The following UTP18 variants were observed in gnomAD, a reference collection of about 807,000 sequenced individuals.
The protein encoded by UTP18 is UTP18 small subunit processome component.
Under a neutral mutation model 61.1 loss-of-function variants are expected in UTP18, and 36 were observed. That is an observed-to-expected ratio of 0.59 (90% CI 0.45 to 0.78). The LOEUF (loss-of-function observed/expected upper bound fraction) is 0.78. Among genes scored for constraint, UTP18 ranks in the 30% least tolerant of loss-of-function variants. UTP18 has a pLI of 0.00. For synonymous variants in UTP18, 282 were observed against 251.1 expected, an observed-to-expected ratio of 1.12 and a Z score of -1.16; for missense variants, 753 against 693.9, an observed-to-expected ratio of 1.09 and a Z score of -0.96.
At chr17:51,263,483 T>G (rs1356724107) in intron 2 of UTP18, 97 bp downstream of exon 2, 5 of 919,334 alleles carry the variant, frequency 5.4e-6, no homozygotes, top group Non-Finnish European at 4.9e-6. Flanking sequence ...TGTGATTATG[T>G]GAAGATTTGA....
At position 51,260,594 on chromosome 17, in the gene UTP18, G is replaced by C. The variant is rs78803387; in HGVS notation, c.10G>C (p.Glu4Gln). The C allele has an allele frequency of 1.9e-6, 3 of 1,612,426 alleles. No homozygotes were observed. The highest frequency in any genetic ancestry group is 4.5e-5 in the East Asian group (2 of 44,818). Reference protein sequence around the residue: MPPERRRRMKLDRR... With the variant: MPPQRRRRMKLDRR... ...CTCCTCAAACCTAACGATGCCGCCG[G>C]AGCGGAGGAGACGAATGAAACTGGA... The change falls in exon 1 of 14, where the codon GAG becomes CAG. Residue 4 changes from glutamate to glutamine, a missense_variant. Physicochemically the swap from Glu to Gln is conservative, Grantham distance 29 (BLOSUM62 2). Transcript: ENST00000225298.
chr17:51,277,297 A>G lies in UTP18; in HGVS notation c.1005A>G (p.Gln335=), dbSNP rs199953240. ...MLAGKLIPVH[Q]VRGLKEKIVR... ...CTGGAAAGTTAATTCCTGTGCATCA[A>G]GTGAGAGGTAAGATTTCTGTTGAAT... The change falls in exon 7 of 14, where the codon CAA becomes CAG. Residue 335 remains glutamine (Q), a synonymous_variant. Coordinates refer to ENST00000225298, the MANE Select transcript of UTP18 (RefSeq NM_016001.3). The G allele has an allele frequency of 6.2e-6, 10 of 1,613,820 alleles. No homozygotes were observed. The highest frequency in any genetic ancestry group is 8.5e-6 in the Non-Finnish European group (10 of 1,179,920).
intron 1 of UTP18, among the ~76,000 whole-genome samples, chr17:51,261,924 C>T (rs1428593233): frequency 6.6e-6 from 1 of 152,034 alleles, no homozygotes; most frequent in African/African-American, 2.4e-5. Context: ...CTGAACTGTG[C>T]GACGGTTTTG....
rs8907 is a variant in UTP18, at chr17:51,260,914, G to A, written c.330G>A (p.Leu110=). 113,336 of 1,585,086 alleles carry A rather than the reference G, an allele frequency of 0.072. 5,273 individuals carry two copies. Among genetic ancestry groups the A allele is most frequent in the African/African-American group, 0.22 (15,957 of 73,190 alleles). ...ACGAGGACGCGTTGCTGCGGCGTCT[G>A]CGAGGCCCGAGGGTGAGGGAGGCCG... ...ENDEDALLRR[L]RGPRVQEHED... The change falls in exon 1 of 14, where the codon CTG becomes CTA. Residue 110 remains leucine, a synonymous_variant. Transcript: ENST00000225298.
chr17:51,286,799 G>GCT (rs936130959), intron 10 of UTP18, among the ~76,000 whole-genome samples: 1 of 152,062 alleles, frequency 6.6e-6, no homozygotes, highest in Non-Finnish European at 1.5e-5. Context: ...AATGAAGACT[G>GCT]CTGTTTAAAC....
chr17:51,269,313 A>G (rs1162702903), intron 4 of UTP18, among the ~76,000 whole-genome samples: 1 of 150,686 alleles, frequency 6.6e-6, no homozygotes, highest in South Asian at 2.1e-4. Context: ...AAAAAAAAAA[A>G]AAAAAAAAAA....
chr17:51,286,978 T>TCCCCCCCCCCACCCCC (rs11397806), intron 10 of UTP18, among the ~76,000 whole-genome samples: 1 of 123,468 alleles, frequency 8.1e-6, no homozygotes, highest in Non-Finnish European at 1.6e-5. Flanking sequence ...CCCTCCCCCT[T>TCCCCCCCCCCACCCCC]CCCCCCCCGA....
At chr17:51,285,477 C>T (rs1905075510) in intron 10 of UTP18, 109 bp downstream of exon 10, 2 of 1,333,694 alleles carry the variant, frequency 1.5e-6, no homozygotes, top group African/African-American at 2.9e-5. Context: ...ATAAACTATT[C>T]AGTAATATGA....
At chr17:51,275,197 CAAAA>C (rs1198501496) in intron 5 of UTP18, among the ~76,000 whole-genome samples, 3 of 100,844 alleles carry the variant, frequency 3.0e-5, no homozygotes, top group African/African-American at 3.4e-5. Flanking sequence ...AACCCAGTCT[CAAAA>C]AAAAAAAAAA....
Position 51,285,383 on chromosome 17 carries a change from G to T in UTP18, c.1328+15G>T. 1.2e-6 allele frequency: 2 copies of T among 1,610,392 alleles called. No homozygotes were observed. ...GTTGCTTGTGGGTAAGTAAAGAGAG[G>T]TTCTTGTAACCTTAATCACATTGTG... On this transcript the variant is annotated intron_variant, in intron 10 of 13. Coordinates refer to ENST00000225298, the MANE Select transcript of UTP18 (RefSeq NM_016001.3).
Position 51,285,250 on chromosome 17 carries a change from G to A in UTP18, c.1210G>A (p.Gly404Arg), listed in dbSNP as rs746419273. 2.5e-6 allele frequency: 4 copies of A among 1,613,448 alleles called. No individual in the cohort carries two copies. In the Admixed American group the frequency reaches 6.7e-5, roughly 27 times the overall value. Residue 404 changes from glycine to arginine, a missense_variant, in exon 10 of 14, where the codon GGA (glycine) becomes AGA (arginine). Gly to Arg is a moderately radical substitution (Grantham distance 125, BLOSUM62 -2). Transcript: ENST00000225298. ...TTTTTCGCTCTTTTATGCAGGGGAT[G>A]GAGAAGTTTATGTTTGGGATGTGAA... The part of the protein sequence containing the change: ...SKKVYASSGD[G>R]EVYVWDVNSR...
chr17:51,293,856 T>G, intron 11 of UTP18, 47 bp from the exon 12 acceptor site: 43 of 1,416,630 alleles, frequency 3.0e-5, no homozygotes, highest in Non-Finnish European at 3.3e-5. Context: ...TTAAGAAACA[T>G]GAGCTCCCAG....
At chr17:51,275,769 TC>T in intron 5 of UTP18, 96 bp from the exon 6 acceptor site, 5 of 1,198,496 alleles carry the variant, frequency 4.2e-6, no homozygotes, top group Non-Finnish European at 5.4e-6. Context: ...TGCATTTTTT[TC>T]CTTCATTATA....
At chr17:51,297,744 A>G in intron 13 of UTP18, 38 bp from the exon 14 acceptor site, 2 of 440,270 alleles carry the variant, frequency 4.5e-6, no homozygotes, top group Non-Finnish European at 9.0e-6. Context: ...ACCAGCAGCT[A>G]TAAATCAGGT....
chr17:51,287,893 T>G, intron 10 of UTP18, 136 bp from the exon 11 acceptor site: 1 of 569,462 alleles, frequency 1.8e-6, no homozygotes, highest in Non-Finnish European at 2.8e-6. Context: ...CATCTGTGGC[T>G]ATAGTGGTGA....
intron 12 of UTP18, chr17:51,296,620 A>G (rs529835125): frequency 1.0e-5 from 2 of 196,146 alleles, no homozygotes; most frequent in African/African-American, 2.3e-5. Flanking sequence ...CCCAAAGGCC[A>G]TTAGATTTTC....
At chr17:51,277,786 TAAAA>T (rs1904780128) in intron 7 of UTP18, among the ~76,000 whole-genome samples, 1 of 152,202 alleles carries the variant, frequency 6.6e-6, no homozygotes, top group East Asian at 1.9e-4. Flanking sequence ...ATGAACTACT[TAAAA>T]AATAACGCTT....
In UTP18 at chr17:51,264,075, C is replaced by G. The variant is rs1598473105; in HGVS notation, c.455+689C>G. On this transcript the variant is annotated intron_variant, in intron 2 of 13. Coordinates refer to ENST00000225298, the MANE Select transcript of UTP18 (RefSeq NM_016001.3). ...TTTTTGAAACAGAGTCTTGCTGTTT[C>G]ACCTAGGCTGGAGTGCAGTGGTGCG... Among the ~76,000 whole-genome samples the G allele has an allele frequency of 2.0e-5, 3 of 149,256 alleles. No homozygotes were observed. The Admixed American group carries it at 2.0e-4, about 10-fold the overall frequency.
rs563098801 is a variant in UTP18, at chr17:51,290,170, C to G, written c.1503+1967C>G. Among the ~76,000 whole-genome samples, 24 of 152,206 alleles carry G rather than the reference C, an allele frequency of 1.6e-4. 1 individual carries two copies. In the South Asian group the frequency reaches 5.0e-3, roughly 32 times the overall value. On this transcript the variant is annotated intron_variant, in intron 11 of 13. Transcript: ENST00000225298. ...GTGGCTCAGACCTGTAATCCCGGCA[C>G]TTTGGGAGGCTGAGGTGGGTGGATC...
Sources: allele counts gnomAD v4.1 joint callset (sites outside exome capture counted in the v4.1 genomes callset), GRCh38; gene constraint gnomAD v4.1.1; transcripts MANE v1.5; gene names NCBI Gene and HGNC (gene_info 2026-07-23, HGNC 2026-07-21).